Variants in PITPNM2 observed in about 807,000 individuals in gnomAD.
PITPNM2 encodes the protein phosphatidylinositol transfer protein membrane associated 2.
Under a neutral mutation model 132.2 loss-of-function variants are expected in PITPNM2, and 35 were observed. The observed-to-expected ratio is 0.26, with a 90% CI of 0.20 to 0.35. The LOEUF (loss-of-function observed/expected upper bound fraction) is 0.35. Among genes scored for constraint, PITPNM2 ranks in the 10% least tolerant of loss-of-function variants. The pLI is 1.00. For synonymous variants in PITPNM2, 738 were observed against 799.2 expected, an observed-to-expected ratio of 0.92 and a Z score of 1.29; for missense variants, 1,332 against 1,912.0, an observed-to-expected ratio of 0.70 and a Z score of 5.66.
chr12:123,112,059 A>C (rs1357781165), intron 1 of PITPNM2, among the ~76,000 whole-genome samples: 1 of 152,206 alleles, frequency 6.6e-6, no homozygotes, highest in Non-Finnish European at 1.5e-5. Context: ...CACACCCCAC[A>C]GAATTAGATC....
At chr12:122,996,643 C>G in intron 12 of PITPNM2, 66 bp from the exon 13 acceptor site, 1 of 1,611,228 alleles carries the variant, frequency 6.2e-7, no homozygotes, top group Non-Finnish European at 8.5e-7. Flanking sequence ...CTGGGGAGGC[C>G]GTCACCTTCC....
intron 2 of PITPNM2, chr12:123,089,614 A>C (rs1258575887): frequency 6.6e-6 from 1 of 152,198 alleles, no homozygotes; most frequent in Non-Finnish European, 1.5e-5. Context: ...CCATACTCAC[A>C]CAAAAAAGAT....
At chr12:122,996,995 T>C (rs1233600776) in intron 11 of PITPNM2, 85 bp from the exon 12 acceptor site, 17 of 1,290,884 alleles carry the variant, frequency 1.3e-5, no homozygotes, top group Admixed American at 2.8e-5. Context: ...GTCTCAGCCA[T>C]GGACTCAGCA....
At chr12:122,999,021 A>G (rs572832126) in intron 10 of PITPNM2, among the ~76,000 whole-genome samples, 94 of 152,132 alleles carry the variant, frequency 6.2e-4, no homozygotes, top group Admixed American at 3.9e-4. Flanking sequence ...TGAGGCAGGA[A>G]AATCGTTTGT....
chr12:123,070,458 C>T (rs543785072), intron 2 of PITPNM2, among the ~76,000 whole-genome samples: 3 of 152,322 alleles, frequency 2.0e-5, no homozygotes, highest in African/African-American at 7.2e-5. Context: ...GGCAGGCATT[C>T]ATGTTGGTGT....
intron 1 of PITPNM2, among the ~76,000 whole-genome samples, chr12:123,113,267 A>G (rs2042875839): frequency 6.6e-6 from 1 of 152,224 alleles, no homozygotes; most frequent in Non-Finnish European, 1.5e-5. Flanking sequence ...GAATGGGTAG[A>G]GAGAGACCCA....
intron 2 of PITPNM2, among the ~76,000 whole-genome samples, chr12:123,057,336 C>T (rs1236055665): frequency 6.7e-6 from 1 of 148,732 alleles, no homozygotes; most frequent in African/African-American, 2.5e-5. Flanking sequence ...GCCGAGATCA[C>T]ACCATTGCAC....
In PITPNM2 at chr12:123,007,943, T is replaced by C. The variant is rs376525421; in HGVS notation, c.643+1907A>G. Among the ~76,000 whole-genome samples the C allele has an allele frequency of 9.2e-5, 14 of 152,264 alleles. No homozygotes were observed. The South Asian group carries it at 1.7e-3, about 18-fold the overall frequency. ...TCACGAGATCATCCCCGTGATATTA[T>C]AGGACTAGTACTCACAGTTGTCATC... is the stretch of plus-strand genomic sequence containing the variant. On this transcript the variant is annotated intron_variant, in intron 6 of 25. Coordinates refer to ENST00000320201, the MANE Select transcript of PITPNM2 (RefSeq NM_020845.3).
chr12:123,115,327 G>A (rs1257247045), intron 1 of PITPNM2, among the ~76,000 whole-genome samples: 1 of 152,132 alleles, frequency 6.6e-6, no homozygotes, highest in African/African-American at 2.4e-5. Flanking sequence ...CCTCAGAGAC[G>A]TTCAAAGTGG....
intron 2 of PITPNM2, chr12:123,075,695 C>G (rs903042263): frequency 6.6e-6 from 1 of 152,266 alleles, no homozygotes; most frequent in Admixed American, 6.5e-5. Context: ...TCTCACGCCC[C>G]CTGCGGCTCC....
chr12:123,010,294 G>C (rs538842077), intron 5 of PITPNM2, among the ~76,000 whole-genome samples: 9 of 152,068 alleles, frequency 5.9e-5, no homozygotes, highest in Admixed American at 2.6e-4. Flanking sequence ...TTCAGATAAG[G>C]GTCTTGCTAT....
Position 123,108,394 on chromosome 12 carries a change from G to A in PITPNM2, c.-96+1991C>T, listed in dbSNP as rs2042764736. ...TGTAAGAAAGGAGACAGGAGACCAA[G>A]GCTGTGTTGAAGCAGCGTCCCTCAG... On this transcript the variant is annotated intron_variant, in intron 2 of 25. Transcript: ENST00000320201. The surrounding 1 kb of genome is among the most constrained non-coding windows in gnomAD (Gnocchi z 4.4). 6.6e-6 allele frequency among the ~76,000 whole-genome samples: 1 copy of A among 152,192 alleles called. No individual in the cohort carries two copies.
Position 123,004,691 on chromosome 12 carries a change from A to C in PITPNM2, c.953-202T>G. On this transcript the variant is annotated intron_variant, in intron 7 of 25. Coordinates refer to ENST00000320201, the MANE Select transcript of PITPNM2 (RefSeq NM_020845.3). The surrounding 1 kb of genome is among the most constrained non-coding windows in gnomAD (Gnocchi z 4.9). The stretch of plus-strand genomic sequence containing the variant: ...TAGGCTCATCTCCTGTCCGCCTGGC[A>C]CAAGGCAGTCATGTCCCGGGGAGCA... The C allele has an allele frequency of 3.2e-6, 2 of 619,104 alleles. No homozygotes were observed. The highest frequency in any genetic ancestry group is 5.8e-6 in the Non-Finnish European group (2 of 342,520). 38.4% of individuals were successfully genotyped at this position (619,104 alleles called of 1,614,324 possible).
rs1028892294 is a variant in PITPNM2 at position 122,984,022 on chromosome 12, A to G, written c.*2005T>C. 6.5e-6 allele frequency: 1 copy of G among 152,786 alleles called. No individual in the cohort carries two copies. Among genetic ancestry groups the G allele is most frequent in the Non-Finnish European group, 1.5e-5 (1 of 68,090 alleles). 9.5% of individuals were successfully genotyped at this position (152,786 alleles called of 1,614,324 possible). Reference sequence around the variant, plus strand: ...GGTGGAAAGCAGACCTGGATACAGAAGAGACTTCCCATGGGGGGGCAGGCT... The same window carrying G: ...GGTGGAAAGCAGACCTGGATACAGAGGAGACTTCCCATGGGGGGGCAGGCT... On this transcript the variant is annotated 3_prime_UTR_variant, in exon 26 of 26. Coordinates refer to ENST00000320201, the MANE Select transcript of PITPNM2 (RefSeq NM_020845.3).
chr12:123,007,985 C>T (rs979811885), intron 6 of PITPNM2, among the ~76,000 whole-genome samples: 1 of 152,208 alleles, frequency 6.6e-6, no homozygotes, highest in Non-Finnish European at 1.5e-5. Flanking sequence ...CACCTATGTG[C>T]CACACCCCAT....
rs1303436440 is a variant in PITPNM2 at position 123,023,836 on chromosome 12, TG to T, written c.79-9795del. ...GCTTCAAAGGACACTAAAAAGAAAG[TG>T]AAAAAACAACGTACAAAATGGGAGA... On this transcript the variant is annotated intron_variant, in intron 3 of 25. Transcript: ENST00000320201. The surrounding 1 kb of genome is among the most constrained non-coding windows in gnomAD (Gnocchi z 4.8). Among the ~76,000 whole-genome samples the T allele has an allele frequency of 6.6e-6, 1 of 151,794 alleles. No individual in the cohort carries two copies. The highest frequency in any genetic ancestry group is 1.5e-5 in the Non-Finnish European group (1 of 67,932).
intron 5 of PITPNM2, among the ~76,000 whole-genome samples, chr12:123,012,059 C>G (rs1001007389): frequency 6.6e-6 from 1 of 152,242 alleles, no homozygotes; most frequent in Non-Finnish European, 1.5e-5. Context: ...CTGAGCTGCA[C>G]TGGCCCACAT....
intron 1 of PITPNM2, among the ~76,000 whole-genome samples, chr12:123,135,870 C>A (rs2043370584): frequency 6.6e-6 from 1 of 152,184 alleles, no homozygotes; most frequent in African/African-American, 2.4e-5. Context: ...TTGGGATTTC[C>A]TTCTTTTTCA....
intron 2 of PITPNM2, among the ~76,000 whole-genome samples, chr12:123,042,904 C>G (rs572019793): frequency 6.6e-6 from 1 of 152,176 alleles, no homozygotes; most frequent in Admixed American, 6.5e-5. Flanking sequence ...GTCCAGCAAC[C>G]ATCCCCTTAT....
Sources: gnomAD v4.1 joint callset for allele counts (sites outside exome capture counted in the v4.1 genomes callset) on GRCh38, gnomAD v4.1.1 for gene constraint, Gnocchi (gnomAD v3.1) non-coding constraint, MANE v1.5 for transcripts, NCBI Gene and HGNC (gene_info 2026-07-23, HGNC 2026-07-21) for gene names.